The following PACRG variants were observed in gnomAD, a reference collection of about 807,000 sequenced individuals.
The protein encoded by PACRG is parkin coregulated gene protein.
A neutral mutation model predicts 29.7 loss-of-function variants in PACRG; 29 were observed. The observed-to-expected ratio is 0.98, with a 90% CI of 0.73 to 1.33. PACRG has a LOEUF of 1.33. PACRG is among the 40% of genes most tolerant of loss of function. The pLI is 0.00. For synonymous variants in PACRG, 116 were observed against 118.7 expected, an observed-to-expected ratio of 0.98 and a Z score of 0.15; for missense variants, 279 against 316.2, an observed-to-expected ratio of 0.88 and a Z score of 0.89.
chr6:162,796,004 A>C (rs1785351684), intron 1 of PACRG, among the ~76,000 whole-genome samples: 1 of 152,182 alleles, frequency 6.6e-6, no homozygotes, highest in Non-Finnish European at 1.5e-5. Flanking sequence ...ATGATCATGT[A>C]ATCTTCAAAG....
chr6:162,975,819 T>C (rs1177699955), intron 2 of PACRG, among the ~76,000 whole-genome samples: 2 of 151,970 alleles, frequency 1.3e-5, no homozygotes, highest in East Asian at 3.9e-4. Context: ...CTTGCCTTCC[T>C]TCCTCCCTTC....
intron 2 of PACRG, among the ~76,000 whole-genome samples, chr6:162,922,815 G>A (rs62427523): frequency 0.013 from 1,920 of 152,208 alleles, 50 homozygotes; most frequent in Admixed American, 0.06. Flanking sequence ...ATCTGCTGAT[G>A]GACATTCAGG....
At chr6:163,086,287 G>A (rs1006173071) in intron 3 of PACRG, among the ~76,000 whole-genome samples, 2 of 152,160 alleles carry the variant, frequency 1.3e-5, no homozygotes, top group Non-Finnish European at 2.9e-5. Context: ...ACTGCAACAC[G>A]CTGCGTGCCT....
At chr6:162,817,315 A>G (rs975826764) in intron 2 of PACRG, among the ~76,000 whole-genome samples, 11 of 152,238 alleles carry the variant, frequency 7.2e-5, no homozygotes, top group Non-Finnish European at 1.3e-4. Context: ...AAGGCACTCT[A>G]TGGTAACATC....
intron 2 of PACRG, among the ~76,000 whole-genome samples, chr6:163,031,315 TA>T (rs1345613213): frequency 1.3e-5 from 2 of 152,196 alleles, no homozygotes; most frequent in Non-Finnish European, 2.9e-5. Flanking sequence ...ACCAAGCTGG[TA>T]GGGGGTTGCT....
intron 2 of PACRG, among the ~76,000 whole-genome samples, chr6:162,919,122 T>C (rs1796890932): frequency 6.6e-6 from 1 of 152,172 alleles, no homozygotes; most frequent in South Asian, 2.1e-4. Flanking sequence ...ATGAGCTTTC[T>C]AGAATATAAA....
intron 4 of PACRG, among the ~76,000 whole-genome samples, chr6:163,144,990 G>T (rs1162467448): frequency 6.6e-6 from 1 of 152,162 alleles, no homozygotes; most frequent in Non-Finnish European, 1.5e-5. Context: ...CCCTGCTGAT[G>T]TTGAAAGGTA....
intron 2 of PACRG, among the ~76,000 whole-genome samples, chr6:162,944,300 A>G (rs1375244964): frequency 2.6e-5 from 4 of 152,198 alleles, no homozygotes; most frequent in Non-Finnish European, 5.9e-5. Flanking sequence ...AACCAACATC[A>G]TAGGTACATC....
At chr6:163,257,130 A>T (rs1783144803) in intron 4 of PACRG, among the ~76,000 whole-genome samples, 2 of 152,100 alleles carry the variant, frequency 1.3e-5, no homozygotes, top group Non-Finnish European at 2.9e-5. Flanking sequence ...TTATACCGAG[A>T]TCCTTAATAA....
chr6:162,742,842 A>G (rs956602552), intron 1 of PACRG, among the ~76,000 whole-genome samples: 1 of 152,136 alleles, frequency 6.6e-6, no homozygotes, highest in Non-Finnish European at 1.5e-5. Context: ...AGAGAATAGA[A>G]AGAAGATATT....
intron 4 of PACRG, among the ~76,000 whole-genome samples, chr6:163,260,276 C>A (rs1310238121): frequency 6.6e-6 from 1 of 152,256 alleles, no homozygotes; most frequent in African/African-American, 2.4e-5. Flanking sequence ...TGACGCCAAC[C>A]CGGCCGCTTC....
At chr6:162,763,294 T>C (rs989533909) in intron 1 of PACRG, among the ~76,000 whole-genome samples, 1 of 152,102 alleles carries the variant, frequency 6.6e-6, no homozygotes, top group African/African-American at 2.4e-5. Context: ...AGACTGACCC[T>C]CTCTCCTTGA....
At chr6:163,083,908 A>G (rs1813305291) in intron 3 of PACRG, among the ~76,000 whole-genome samples, 1 of 151,590 alleles carries the variant, frequency 6.6e-6, no homozygotes. Context: ...TCACTTTGCA[A>G]AAAAAAAATC....
At chr6:163,115,387 G>A (rs1347562484) in intron 4 of PACRG, among the ~76,000 whole-genome samples, 1 of 152,068 alleles carries the variant, frequency 6.6e-6, no homozygotes, top group Non-Finnish European at 1.5e-5. Context: ...ATTGTCCAGT[G>A]GTAAAGCTTG....
chr6:163,043,246 A>G (rs1430275381), intron 2 of PACRG: 1 of 152,158 alleles, frequency 6.6e-6, no homozygotes, highest in Non-Finnish European at 1.5e-5. Flanking sequence ...TTTTTTCTAT[A>G]CAAAGTAAAA....
chr6:163,198,253 T>C (rs560007558), intron 4 of PACRG, among the ~76,000 whole-genome samples: 10 of 152,366 alleles, frequency 6.6e-5, no homozygotes, highest in Admixed American at 4.6e-4. Flanking sequence ...AGAATTTTAC[T>C]TCTCTTTTCT....
At chr6:162,752,513 A>C (rs1781586057) in intron 1 of PACRG, among the ~76,000 whole-genome samples, 1 of 152,196 alleles carries the variant, frequency 6.6e-6, no homozygotes, top group African/African-American at 2.4e-5. Context: ...GCAGAAAATT[A>C]TCTGTGACTT....
chr6:163,138,021 G>A (rs1817006124), intron 4 of PACRG, among the ~76,000 whole-genome samples: 1 of 152,210 alleles, frequency 6.6e-6, no homozygotes, highest in African/African-American at 2.4e-5. Context: ...TGGCTCAGAG[G>A]CTCTGTGCCC....
chr6:162,969,386 C>T (rs1264743812), intron 2 of PACRG, among the ~76,000 whole-genome samples: 1 of 152,062 alleles, frequency 6.6e-6, no homozygotes, highest in Admixed American at 6.6e-5. Flanking sequence ...ACTGCTACCC[C>T]ATCATCTCTT....
Sources: allele counts gnomAD v4.1 joint callset (sites outside exome capture counted in the v4.1 genomes callset), GRCh38; gene constraint gnomAD v4.1.1; transcripts MANE v1.5; gene names NCBI Gene and HGNC (gene_info 2026-07-23, HGNC 2026-07-21).